Variants in HERC1 observed in about 807,000 individuals in gnomAD.
HERC1 encodes the protein HECT and RLD domain containing E3 ubiquitin protein ligase family member 1, also known as probable E3 ubiquitin-protein ligase HERC1.
HERC1 carries 160 observed loss-of-function variants against 554.3 expected under a neutral mutation model. That is an observed-to-expected ratio of 0.29 (90% CI 0.25 to 0.33). The LOEUF (loss-of-function observed/expected upper bound fraction) is 0.33. Among genes scored for constraint, HERC1 ranks in the 10% least tolerant of loss-of-function variants. The pLI is 1.00. For missense variants in HERC1, 4,919 were observed against 5,918.5 expected, an observed-to-expected ratio of 0.83 and a Z score of 5.54; for synonymous variants, 2,175 against 2,131.7, an observed-to-expected ratio of 1.02 and a Z score of -0.56.
intron 36 of HERC1, among the ~76,000 whole-genome samples, chr15:63,679,729 T>G (rs1222216135): frequency 6.6e-6 from 1 of 152,254 alleles, no homozygotes; most frequent in East Asian, 1.9e-4. Flanking sequence ...CAACTTCTAT[T>G]ATTCAGCTGA....
rs373117024 is a variant in HERC1 at position 63,698,775 on chromosome 15, G to T, written c.4858C>A (p.Pro1620Thr). 1 of 1,613,774 alleles carries T rather than the reference G, an allele frequency of 6.2e-7. No individual in the cohort carries two copies. The highest frequency in any genetic ancestry group is 8.5e-7 in the Non-Finnish European group (1 of 1,179,842). The change falls in exon 26 of 78, where the codon CCC becomes ACC. Residue 1620 changes from proline (P) to threonine (T), a missense_variant. Coordinates refer to ENST00000443617, the MANE Select transcript of HERC1 (RefSeq NM_003922.4). The part of the protein sequence containing the change: ...KEPEESMSTS[P>T]QASIIAMEQQ... ...TCCATTGCAATGATGGAGGCCTGGG[G>T]ACTTGTAGACATACTTTCCTCTGGC...
intron 70 of HERC1, 132 bp from the exon 71 acceptor site, chr15:63,626,286 C>T (rs1359460171): frequency 8.6e-6 from 7 of 816,278 alleles, no homozygotes; most frequent in African/African-American, 1.7e-5. Flanking sequence ...CTCTATCCAT[C>T]GATTCATCTT....
rs1380544258 is a variant in HERC1 at position 63,641,544 on chromosome 15, T to A, written c.11533A>T (p.Asn3845Tyr). 6.2e-7 allele frequency: 1 copy of A among 1,612,950 alleles called. No homozygotes were observed. Among genetic ancestry groups the A allele is most frequent in the South Asian group, 1.1e-5 (1 of 90,792 alleles). ...AATGCTCTCATGCAGGGAGCCATGT[T>A]CAATCCCAGAACACCCTGCTGTTTC... The part of the protein sequence containing the change: ...ALKQQGVLGL[N>Y]MAPCMRAFLE... The change falls in exon 60 of 78, where the codon AAC (asparagine) becomes TAC (tyrosine). Residue 3845 changes from asparagine to tyrosine, a missense_variant. Physicochemically the swap from Asn to Tyr is moderately radical, Grantham distance 143 (BLOSUM62 -2). Around this residue, in one of 11 missense-constraint regions of HERC1, gnomAD observed 1,963 missense variants for 2,228.6 expected, o/e 0.88. Coordinates refer to ENST00000443617, the MANE Select transcript of HERC1 (RefSeq NM_003922.4).
intron 24 of HERC1, among the ~76,000 whole-genome samples, chr15:63,709,401 T>TTAAA (rs1336420267): frequency 3.3e-5 from 5 of 152,172 alleles, no homozygotes; most frequent in Non-Finnish European, 7.3e-5. Flanking sequence ...ATCTTAACAA[T>TTAAA]TAAATCTAAG....
intron 12 of HERC1, among the ~76,000 whole-genome samples, chr15:63,741,094 T>C (rs545103064): frequency 1.4e-4 from 21 of 151,888 alleles, no homozygotes; most frequent in Non-Finnish European, 2.5e-4. Flanking sequence ...AATGGTGCGG[T>C]CTCCACTCAC....
At chr15:63,676,734 C>T (rs904925234) in intron 37 of HERC1, among the ~76,000 whole-genome samples, 7 of 152,150 alleles carry the variant, frequency 4.6e-5, no homozygotes, top group South Asian at 2.1e-4. Flanking sequence ...CCAGCCTGGG[C>T]GACAGAGCGA....
Position 63,663,115 on chromosome 15 carries a change from A to G in HERC1, c.8770T>C (p.Phe2924Leu). 1.9e-6 allele frequency: 3 copies of G among 1,614,008 alleles called. No individual in the cohort carries two copies. The highest frequency in any genetic ancestry group is 2.5e-6 in the Non-Finnish European group (3 of 1,179,880). The change falls in exon 44 of 78, where the codon TTT becomes CTT. Residue 2924 changes from phenylalanine to leucine, a missense_variant. By Grantham distance (22) the Phe-to-Leu change is conservative. This residue lies in a region of HERC1 where 1,963 missense variants were observed against 2,228.6 expected (regional missense o/e 0.88). Coordinates refer to ENST00000443617, the MANE Select transcript of HERC1 (RefSeq NM_003922.4). ...LQQDPGALYD[F>L]NLDEELEIDL... ...ATTTCCAATTCCTCATCTAAATTAA[A>G]GTCATACAACGCCCCTGGGTCTTGC...
At chr15:63,770,170 A>G (rs2075907137) in intron 2 of HERC1, among the ~76,000 whole-genome samples, 1 of 151,882 alleles carries the variant, frequency 6.6e-6, no homozygotes, top group Admixed American at 6.6e-5. Context: ...CCACAACTCA[A>G]TCGCTTTGTG....
In HERC1 at chr15:63,648,788, T is replaced by A. The variant is rs560309978; in HGVS notation, c.10748-589A>T. Reference sequence around the variant, plus strand: ...GAAAGACTTTTCACTGTATGCTTTTTAAAACTTGAATTTTTGAACCCTATG... The same window carrying A: ...GAAAGACTTTTCACTGTATGCTTTTAAAAACTTGAATTTTTGAACCCTATG... On this transcript the variant is annotated intron_variant, in intron 54 of 77. Coordinates refer to ENST00000443617, the MANE Select transcript of HERC1 (RefSeq NM_003922.4). Among the ~76,000 whole-genome samples, 7 of 152,334 alleles carry A rather than the reference T, an allele frequency of 4.6e-5. No individual in the cohort carries two copies. In the East Asian group the frequency reaches 1.2e-3, roughly 25 times the overall value.
chr15:63,656,909 T>A (rs1240229415), intron 48 of HERC1, among the ~76,000 whole-genome samples: 1 of 152,238 alleles, frequency 6.6e-6, no homozygotes, highest in Non-Finnish European at 1.5e-5. Flanking sequence ...GACATATACA[T>A]GAAATCTGCC....
In HERC1 at chr15:63,718,135, T is replaced by C. The variant is rs114997988; in HGVS notation, c.3978+439A>G. 5.8e-3 allele frequency among the ~76,000 whole-genome samples: 711 copies of C among 122,560 alleles called. 10 individuals carry two copies. Among genetic ancestry groups the C allele is most frequent in the African/African-American group, 0.02 (683 of 34,766 alleles). The allele number at this position is 122,560 out of a possible 152,430, so 80.4% of individuals were successfully genotyped here. ...ACACACACACACACAACCCCCTCCT[T>C]GGTTTTCACTTCTCTAAGCTGAATA... On this transcript the variant is annotated intron_variant, in intron 21 of 77. Coordinates refer to ENST00000443617, the MANE Select transcript of HERC1 (RefSeq NM_003922.4). This position sits in a 1 kb window ranked among gnomAD's most constrained non-coding sequence, Gnocchi z 4.2.
intron 2 of HERC1, among the ~76,000 whole-genome samples, chr15:63,772,231 T>C (rs1406090325): frequency 6.6e-6 from 1 of 152,110 alleles, no homozygotes; most frequent in Non-Finnish European, 1.5e-5. Flanking sequence ...AAGAAATCTA[T>C]TTTCTGGGGT....
rs931450146 is a variant in HERC1 at position 63,756,833 on chromosome 15, A to G, written c.1222-85T>C. On this transcript the variant is annotated intron_variant, in intron 4 of 77. Coordinates refer to ENST00000443617, the MANE Select transcript of HERC1 (RefSeq NM_003922.4). This position sits in a 1 kb window ranked among gnomAD's most constrained non-coding sequence, Gnocchi z 5.0. ...AGGCTGGTTTTATCAAAGAGCCTCAAAGGAAGTCTTTTAGCAGGATACGGC... is the reference window on the plus strand; with the variant it reads ...AGGCTGGTTTTATCAAAGAGCCTCAGAGGAAGTCTTTTAGCAGGATACGGC... 1 of 832,738 alleles carries G rather than the reference A, an allele frequency of 1.2e-6. No homozygotes were observed. Among genetic ancestry groups the G allele is most frequent in the African/African-American group, 1.7e-5 (1 of 58,314 alleles). The allele number at this position is 832,738 out of a possible 1,614,324, so 51.6% of individuals were successfully genotyped here. A position where few individuals can be genotyped will look rare whatever the true frequency, so the allele number is the denominator to read the frequency against.
Position 63,795,763 on chromosome 15 carries a change from G to A in HERC1, c.-26-20114C>T, listed in dbSNP as rs11858925. Reference sequence around the variant, plus strand: ...GACAGGGTCATTTATAATCTCACGCGTCCACCCTACTGCTGTGTCCAGTTT... The same window carrying A: ...GACAGGGTCATTTATAATCTCACGCATCCACCCTACTGCTGTGTCCAGTTT... On this transcript the variant is annotated intron_variant, in intron 1 of 77. Transcript: ENST00000443617. Among the ~76,000 whole-genome samples the A allele has an allele frequency of 4.8e-3, 724 of 152,260 alleles. 10 individuals carry two copies. Among genetic ancestry groups the A allele is most frequent in the African/African-American group, 0.017 (689 of 41,546 alleles).
At chr15:63,739,747 A>G (rs1170004671) in intron 12 of HERC1, among the ~76,000 whole-genome samples, 1 of 152,002 alleles carries the variant, frequency 6.6e-6, no homozygotes, top group Non-Finnish European at 1.5e-5. Context: ...GCGAGGCAGG[A>G]TAATCGCTTG....
In HERC1 at chr15:63,652,321, T is replaced by G. The variant is rs546863379; in HGVS notation, c.10418+93A>C. On this transcript the variant is annotated intron_variant, in intron 52 of 77. Transcript: ENST00000443617. The stretch of plus-strand genomic sequence containing the variant: ...ATCTAAAAGAAAATTTCAAAAAATT[T>G]TAGTGACAATATGATTACATTAACA... The G allele has an allele frequency of 4.2e-6, 5 of 1,197,040 alleles. No homozygotes were observed. In the East Asian group the frequency reaches 1.4e-4, roughly 34 times the overall value. The allele number at this position is 1,197,040 out of a possible 1,614,324, so 74.2% of individuals were successfully genotyped here.
chr15:63,658,746 C>T (rs372596939), intron 47 of HERC1, 28 bp from the exon 48 acceptor site: 1 of 1,568,684 alleles, frequency 6.4e-7, no homozygotes, highest in Admixed American at 1.8e-5. Flanking sequence ...GTTTTGTTCT[C>T]AACAAGGTAA....
chr15:63,740,522 C>T (rs1342672685), intron 12 of HERC1, among the ~76,000 whole-genome samples: 1 of 152,224 alleles, frequency 6.6e-6, no homozygotes, highest in Non-Finnish European at 1.5e-5. Context: ...AAAGCACCTG[C>T]ACCATTTTAC....
intron 77 of HERC1, among the ~76,000 whole-genome samples, chr15:63,611,433 A>T (rs1459192015): frequency 6.6e-6 from 1 of 152,216 alleles, no homozygotes. Flanking sequence ...CATCTGTCAA[A>T]ATCACAGCTG....
Sources: allele counts gnomAD v4.1 joint callset (sites outside exome capture counted in the v4.1 genomes callset), GRCh38; gene constraint gnomAD v4.1.1; regional missense constraint gnomAD v4.1.1; non-coding constraint Gnocchi (gnomAD v3.1); transcripts MANE v1.5; gene names NCBI Gene and HGNC (gene_info 2026-07-23, HGNC 2026-07-21).